CLYBL: variants seen among roughly 807,000 people sequenced by gnomAD.
CLYBL encodes citramalyl-CoA lyase.
A neutral mutation model predicts 38.9 loss-of-function variants in CLYBL; 31 were observed. The observed-to-expected ratio is 0.80, with a 90% CI of 0.60 to 1.08. CLYBL has a LOEUF of 1.08. Ranked by LOEUF, CLYBL falls within the 50% of genes least tolerant of loss-of-function variation. CLYBL has a pLI of 0.00. For missense variants in CLYBL, 434 were observed against 411.6 expected, an observed-to-expected ratio of 1.05 and a Z score of -0.47; for synonymous variants, 171 against 158.6, an observed-to-expected ratio of 1.08 and a Z score of -0.59.
chr13:99,621,663 T>C (rs2139204747), intron 1 of CLYBL, among the ~76,000 whole-genome samples: 1 of 152,354 alleles, frequency 6.6e-6, no homozygotes, highest in Non-Finnish European at 1.5e-5. Context: ...AGCTTGTCCC[T>C]GCAGCCTGTG....
At chr13:99,875,905 C>T (rs1295398968) in intron 7 of CLYBL, among the ~76,000 whole-genome samples, 1 of 152,046 alleles carries the variant, frequency 6.6e-6, no homozygotes, top group Admixed American at 6.6e-5. Context: ...TCAGAAAGAT[C>T]GGCCATAATT....
At chr13:99,842,713 T>TTA (rs1555316710) in intron 2 of CLYBL, among the ~76,000 whole-genome samples, 393 of 148,344 alleles carry the variant, frequency 2.6e-3, no homozygotes, top group African/African-American at 3.2e-3. Context: ...CCCTTTTTTT[T>TTA]AAAAAAAAAA....
intron 7 of CLYBL, among the ~76,000 whole-genome samples, chr13:99,883,787 C>T (rs974225696): frequency 3.2e-4 from 48 of 152,122 alleles, no homozygotes; most frequent in African/African-American, 1.2e-3. Context: ...CTTCCAGTCC[C>T]CACGCCCCTC....
At chr13:99,851,855 A>G (rs1397889112) in intron 2 of CLYBL, among the ~76,000 whole-genome samples, 1 of 152,224 alleles carries the variant, frequency 6.6e-6, no homozygotes. Flanking sequence ...TATGCCCAAG[A>G]GAAATGAAAA....
At chr13:99,804,905 C>A in intron 2 of CLYBL, among the ~76,000 whole-genome samples, 1 of 152,162 alleles carries the variant, frequency 6.6e-6, no homozygotes, top group East Asian at 1.9e-4. Flanking sequence ...CTTTACCATT[C>A]AACAATAACT....
At chr13:99,871,274 T>C (rs764090323) in intron 7 of CLYBL, among the ~76,000 whole-genome samples, 43 of 152,172 alleles carry the variant, frequency 2.8e-4, no homozygotes, top group Non-Finnish European at 5.3e-4. Context: ...GGCTCTCAAG[T>C]CCCTCATTTT....
intron 1 of CLYBL, among the ~76,000 whole-genome samples, chr13:99,764,542 A>T (rs1322505681): frequency 6.6e-6 from 1 of 152,056 alleles, no homozygotes; most frequent in Non-Finnish European, 1.5e-5. Context: ...TGTTCATAGT[A>T]GTCTCTAATG....
rs376748809 is a variant in CLYBL, at chr13:99,768,287, C to T, written c.63-4537C>T. 3.2e-4 allele frequency among the ~76,000 whole-genome samples: 47 copies of T among 149,090 alleles called. No homozygotes were observed. The East Asian group carries it at 7.5e-3, about 24-fold the overall frequency. On this transcript the variant is annotated intron_variant, in intron 1 of 8. Coordinates refer to ENST00000339105, the MANE Select transcript of CLYBL (RefSeq NM_206808.5). ...TCAGCTCACTGCAGCCTACACTTCC[C>T]GAGTTCAAGCAACTCTCCTGCCTCA...
chr13:99,859,124 C>T (rs1266980943), intron 3 of CLYBL, 75 bp downstream of exon 3: 1 of 1,249,436 alleles, frequency 8.0e-7, no homozygotes, highest in South Asian at 1.6e-5. Context: ...ATCTGGGTGC[C>T]ACAGGTTTGG....
intron 1 of CLYBL, among the ~76,000 whole-genome samples, chr13:99,750,747 CTT>C (rs1566311892): frequency 1.4e-5 from 2 of 145,746 alleles, no homozygotes; most frequent in African/African-American, 5.1e-5. Flanking sequence ...AAAAAAAAAT[CTT>C]ATGTTTAAGA....
At chr13:99,785,416 G>A (rs1014082799) in intron 2 of CLYBL, among the ~76,000 whole-genome samples, 1 of 151,112 alleles carries the variant, frequency 6.6e-6, no homozygotes, top group Non-Finnish European at 1.5e-5. Flanking sequence ...GTCTCTCTAT[G>A]TTGCCCAGGC....
intron 1 of CLYBL, among the ~76,000 whole-genome samples, chr13:99,765,045 CT>C (rs1228919041): frequency 0.015 from 2,123 of 144,832 alleles, 44 homozygotes; most frequent in African/African-American, 0.048. Context: ...TTTTTCTTTT[CT>C]TTTTTTTTTT....
intron 1 of CLYBL, among the ~76,000 whole-genome samples, chr13:99,637,873 A>T (rs1270563814): frequency 6.6e-6 from 1 of 151,474 alleles, no homozygotes; most frequent in African/African-American, 2.4e-5. Context: ...GCTTTCAAGG[A>T]GAATTTTTAA....
intron 2 of CLYBL, among the ~76,000 whole-genome samples, chr13:99,815,532 C>T (rs1326899579): frequency 6.6e-6 from 1 of 151,926 alleles, no homozygotes; most frequent in African/African-American, 2.4e-5. Context: ...CCACAGTGGG[C>T]GATGATGGCG....
At chr13:99,776,723 G>A (rs533703437) in intron 2 of CLYBL, among the ~76,000 whole-genome samples, 9 of 152,096 alleles carry the variant, frequency 5.9e-5, no homozygotes, top group East Asian at 1.9e-4. Flanking sequence ...CAAGCATGCC[G>A]CTAAAAACTT....
chr13:99,779,364 A>G (rs918697279), intron 2 of CLYBL, among the ~76,000 whole-genome samples: 9 of 152,022 alleles, frequency 5.9e-5, no homozygotes, highest in African/African-American at 2.2e-4. Flanking sequence ...GCTGGTCTCA[A>G]ACTCCTGACC....
chr13:99,866,246 C>T lies in CLYBL; in HGVS notation c.641C>T (p.Thr214Ile), dbSNP rs1444502164. Residue 214 changes from threonine to isoleucine, a missense_variant, in exon 6 of 9, where the codon ACA becomes ATA. Transcript: ENST00000339105. ...GEDFRASIGA[T>I]SSKETLDILY... Reference sequence around the variant, plus strand: ...GTTAACATCCCATTTTCAGGTGCAACAAGTAGTAAAGAAACCCTGGATATT... The same window carrying T: ...GTTAACATCCCATTTTCAGGTGCAATAAGTAGTAAAGAAACCCTGGATATT... 6.2e-7 allele frequency: 1 copy of T among 1,613,236 alleles called. No homozygotes were observed. The highest frequency in any genetic ancestry group is 1.3e-5 in the African/African-American group (1 of 74,844).
intron 7 of CLYBL, among the ~76,000 whole-genome samples, chr13:99,889,216 T>G (rs1383363086): frequency 6.6e-6 from 1 of 152,228 alleles, no homozygotes. Context: ...TTTGATTTCC[T>G]GTGCATCTAT....
chr13:99,621,652 AAGCTTGTCCCTGC>A (rs2046798910), intron 1 of CLYBL, among the ~76,000 whole-genome samples: 1 of 152,154 alleles, frequency 6.6e-6, no homozygotes, highest in East Asian at 1.9e-4. Context: ...GGTTTAAATT[AAGCTTGTCCCTGC>A]AGCCTGTGGG....
Sources: allele counts gnomAD v4.1 joint callset (sites outside exome capture counted in the v4.1 genomes callset), GRCh38; gene constraint gnomAD v4.1.1; transcripts MANE v1.5; gene names NCBI Gene and HGNC (gene_info 2026-07-23, HGNC 2026-07-21).